Variants in SYNE2 observed in about 807,000 individuals in gnomAD.
The protein encoded by SYNE2 is spectrin repeat containing nuclear envelope protein 2, also known as nesprin-2.
A neutral mutation model predicts 856.3 loss-of-function variants in SYNE2; 431 were observed. That is an observed-to-expected ratio of 0.50 (90% CI 0.47 to 0.55). SYNE2 has a LOEUF of 0.55. SYNE2 is among the 20% of genes least tolerant of loss of function. The pLI is 0.00. For missense variants in SYNE2, 8,129 were observed against 8,023.2 expected (o/e 1.01, Z -0.50); for synonymous variants, 2,923 against 2,872.3 (o/e 1.02, Z -0.56).
intron 87 of SYNE2, 75 bp downstream of exon 87, chr14:64,159,517 A>G: frequency 6.4e-7 from 1 of 1,552,694 alleles, no homozygotes; most frequent in Non-Finnish European, 8.8e-7. Flanking sequence ...GGGCATAGGC[A>G]TTGTAAAGTC....
rs772294909 is a variant in SYNE2, at chr14:63,995,039, T to C, written c.2782-5T>C. Reference sequence around the variant, plus strand: ...GTTAATATATTCCTTTGATTTTTTTTGTAGTCTCTTCATCATGAACTGTCT... The same window carrying C: ...GTTAATATATTCCTTTGATTTTTTTCGTAGTCTCTTCATCATGAACTGTCT... On this transcript the variant is annotated splice_polypyrimidine_tract_variant and splice_region_variant and intron_variant, in intron 22 of 115. Coordinates refer to ENST00000555002, the MANE Select transcript of SYNE2 (RefSeq NM_182914.3). 8 of 1,506,024 alleles carry C rather than the reference T, an allele frequency of 5.3e-6. No homozygotes were observed. Among genetic ancestry groups the C allele is most frequent in the Non-Finnish European group, 7.3e-6 (8 of 1,097,752 alleles). The allele number at this position is 1,506,024 out of a possible 1,614,324, so 93.3% of individuals were successfully genotyped here.
At chr14:63,901,660 C>G (rs2095338266) in intron 1 of SYNE2, among the ~76,000 whole-genome samples, 1 of 152,200 alleles carries the variant, frequency 6.6e-6, no homozygotes. Context: ...TGCAATTGCT[C>G]ACATCTGTAA....
At chr14:63,840,040 G>A (rs1021422724) in intron 1 of SYNE2, among the ~76,000 whole-genome samples, 2 of 152,112 alleles carry the variant, frequency 1.3e-5, no homozygotes, top group Non-Finnish European at 2.9e-5. Flanking sequence ...AGGCCTAGGT[G>A]GGTGGATCAC....
chr14:64,039,865 A>G (rs1020801146), intron 45 of SYNE2, among the ~76,000 whole-genome samples: 2 of 152,236 alleles, frequency 1.3e-5, no homozygotes, highest in South Asian at 4.1e-4. Context: ...ATACTCCAGA[A>G]TAGACACGGG....
intron 1 of SYNE2, among the ~76,000 whole-genome samples, chr14:63,774,480 A>G (rs1362979041): frequency 6.6e-6 from 1 of 151,494 alleles, no homozygotes; most frequent in South Asian, 2.1e-4. Context: ...AAAAAAAAAA[A>G]AAAAAAGAAA....
chr14:64,026,075 G>A (rs1567088275), intron 41 of SYNE2, among the ~76,000 whole-genome samples: 2 of 152,102 alleles, frequency 1.3e-5, no homozygotes, highest in Non-Finnish European at 2.9e-5. Flanking sequence ...GAGCTCTTAA[G>A]GTTGGTGAGA....
intron 1 of SYNE2, among the ~76,000 whole-genome samples, chr14:63,810,052 T>C (rs1888555562): frequency 6.6e-6 from 1 of 152,080 alleles, no homozygotes; most frequent in Non-Finnish European, 1.5e-5. Context: ...CCAGACACTG[T>C]CTCTACAAAA....
intron 1 of SYNE2, among the ~76,000 whole-genome samples, chr14:63,846,263 G>A (rs1890225403): frequency 6.6e-6 from 1 of 151,840 alleles, no homozygotes; most frequent in African/African-American, 2.4e-5. Flanking sequence ...GCCCAGGTTG[G>A]TCTCAAACTC....
At position 64,053,423 on chromosome 14, in the gene SYNE2, T is replaced by G; in HGVS notation, c.9510T>G (p.Ser3170=). The G allele has an allele frequency of 6.2e-7, 1 of 1,612,986 alleles. No individual in the cohort carries two copies. The highest frequency in any genetic ancestry group is 1.3e-5 in the African/African-American group (1 of 74,960). ...TSLHVLNQIK[S]QLQQPLLINL... is the part of the protein sequence containing the mutation. ...TACATGTTTTAAATCAGATAAAATC[T>G]CAATTACAGCAGCCATTACTTATAA... The change falls in exon 48 of 116, where the codon TCT becomes TCG. Residue 3170 remains serine (S), a synonymous_variant. Coordinates refer to ENST00000555002, the MANE Select transcript of SYNE2 (RefSeq NM_182914.3).
intron 7 of SYNE2, 88 bp downstream of exon 7, chr14:63,950,094 A>C (rs1252367863): frequency 7.2e-6 from 10 of 1,395,846 alleles, no homozygotes; most frequent in Non-Finnish European, 9.1e-6. Flanking sequence ...CCCTCACTTA[A>C]CATGAAAATT....
chr14:63,769,668 CA>C (rs373323502), intron 1 of SYNE2, among the ~76,000 whole-genome samples: 28 of 86,342 alleles, frequency 3.2e-4, no homozygotes, highest in South Asian at 5.2e-4. Flanking sequence ...GACTCCATCT[CA>C]AAAAAAAAAA....
In SYNE2 at chr14:64,139,808, G is replaced by A. The variant is rs555621870; in HGVS notation, c.14844-133G>A. On this transcript the variant is annotated intron_variant, in intron 79 of 115. Coordinates refer to ENST00000555002, the MANE Select transcript of SYNE2 (RefSeq NM_182914.3). ...AAAACATGATATAATCCTTATTAAC[G>A]TCATGATATTCTGAATGTTAGGACT... 315 of 902,502 alleles carry A rather than the reference G, an allele frequency of 3.5e-4. 5 individuals are homozygous for A. The highest frequency in any genetic ancestry group is 3.4e-3 in the South Asian group (252 of 74,338). The allele number at this position is 902,502 out of a possible 1,614,324, so 55.9% of individuals were successfully genotyped here.
intron 99 of SYNE2, among the ~76,000 whole-genome samples, chr14:64,194,223 G>A (rs906240452): frequency 5.3e-5 from 8 of 151,986 alleles, no homozygotes; most frequent in African/African-American, 1.9e-4. Context: ...ATGCTACTAC[G>A]TTCATTTGTC....
At chr14:64,067,230 A>G (rs1013979890) in intron 51 of SYNE2, among the ~76,000 whole-genome samples, 1 of 152,250 alleles carries the variant, frequency 6.6e-6, no homozygotes, top group Non-Finnish European at 1.5e-5. Context: ...AATAACAATA[A>G]TAAAAACAAC....
chr14:63,815,700 ATAAACTT>A (rs972719506), intron 1 of SYNE2, among the ~76,000 whole-genome samples: 1 of 152,134 alleles, frequency 6.6e-6, no homozygotes, highest in Non-Finnish European at 1.5e-5. Flanking sequence ...AAAACTTGAT[ATAAACTT>A]TAGAGACATC....
At chr14:64,006,193 T>C (rs1365760211) in intron 30 of SYNE2, among the ~76,000 whole-genome samples, 1 of 152,220 alleles carries the variant, frequency 6.6e-6, no homozygotes, top group African/African-American at 2.4e-5. Context: ...TAGATTTAGG[T>C]GAATGGTGTT....
chr14:64,054,710 C>G (rs2097255451), intron 48 of SYNE2, among the ~76,000 whole-genome samples: 2 of 152,162 alleles, frequency 1.3e-5, no homozygotes, highest in Non-Finnish European at 2.9e-5. Context: ...CAACACACTC[C>G]CTTCCCTTCC....
chr14:63,835,606 T>C (rs1260484497), intron 1 of SYNE2, among the ~76,000 whole-genome samples: 1 of 151,864 alleles, frequency 6.6e-6, no homozygotes, highest in Non-Finnish European at 1.5e-5. Context: ...TTTCCAGCCC[T>C]GAAAGTACAT....
chr14:63,944,152 G>C (rs916570601), intron 6 of SYNE2, among the ~76,000 whole-genome samples: 2 of 150,826 alleles, frequency 1.3e-5, no homozygotes, highest in Non-Finnish European at 3.0e-5. Flanking sequence ...AAATAATTTA[G>C]TGTATAGTCT....
Sources: gnomAD v4.1 joint callset for allele counts (sites outside exome capture counted in the v4.1 genomes callset) on GRCh38, gnomAD v4.1.1 for gene constraint, MANE v1.5 for transcripts, NCBI Gene and HGNC (gene_info 2026-07-23, HGNC 2026-07-21) for gene names.